The following PRCP variants were observed in gnomAD, a reference collection of about 807,000 sequenced individuals.
The protein encoded by PRCP is lysosomal Pro-X carboxypeptidase.
Under a neutral mutation model 54.2 loss-of-function variants are expected in PRCP, and 46 were observed. That is an observed-to-expected ratio of 0.85 (90% CI 0.67 to 1.09). The LOEUF is 1.09. Among genes scored for constraint, PRCP ranks in the 50% least tolerant of loss-of-function variants. The pLI, the probability that PRCP is intolerant of heterozygous loss-of-function variation, is 0.00. For synonymous variants in PRCP, 240 were observed against 212.2 expected, an observed-to-expected ratio of 1.13 and a Z score of -1.14; for missense variants, 613 against 596.8, an observed-to-expected ratio of 1.03 and a Z score of -0.28.
At chr11:82,854,847 G>C (rs943508074) in intron 2 of PRCP, among the ~76,000 whole-genome samples, 1 of 152,136 alleles carries the variant, frequency 6.6e-6, no homozygotes, top group Non-Finnish European at 1.5e-5. Flanking sequence ...TAACAGGATA[G>C]AGAATCCAAA....
At chr11:82,839,541 C>T in intron 6 of PRCP, 116 bp from the exon 7 acceptor site, 1 of 1,115,460 alleles carries the variant, frequency 9.0e-7, no homozygotes, top group Non-Finnish European at 1.3e-6. Flanking sequence ...TCTTAAGCTA[C>T]TAACTGCAGT....
intron 1 of PRCP, among the ~76,000 whole-genome samples, chr11:82,873,535 A>C (rs981752650): frequency 3.3e-5 from 5 of 152,218 alleles, no homozygotes; most frequent in African/African-American, 1.2e-4. Flanking sequence ...GAAGGTAATA[A>C]AACTAATTGT....
rs571439380 is a variant in PRCP, at chr11:82,891,206, A to G, written c.168+9029T>C. ...CTCCTACCTTCTAACTGCTCAGGCC[A>G]AAAACCTTGGAGTCATCTTCAATTC... On this transcript the variant is annotated intron_variant, in intron 1 of 8. Coordinates refer to ENST00000313010, the MANE Select transcript of PRCP (RefSeq NM_005040.4). Among the ~76,000 whole-genome samples, 6 of 152,142 alleles carry G rather than the reference A, an allele frequency of 3.9e-5. No individual in the cohort carries two copies. The South Asian group carries it at 1.2e-3, about 31-fold the overall frequency.
chr11:82,879,041 G>A (rs1411155435), intron 1 of PRCP, among the ~76,000 whole-genome samples: 2 of 152,150 alleles, frequency 1.3e-5, no homozygotes, highest in Non-Finnish European at 2.9e-5. Flanking sequence ...GAGTATCTTT[G>A]TGGTGTTCTC....
At chr11:82,895,626 T>C (rs1404433898) in intron 1 of PRCP, among the ~76,000 whole-genome samples, 2 of 152,186 alleles carry the variant, frequency 1.3e-5, no homozygotes, top group South Asian at 4.1e-4. Context: ...ATAAATCAGT[T>C]CTGAATTCAC....
At chr11:82,864,126 C>T (rs1037948720) in intron 1 of PRCP, among the ~76,000 whole-genome samples, 1 of 152,204 alleles carries the variant, frequency 6.6e-6, no homozygotes, top group Admixed American at 6.5e-5. Context: ...CACACCAATC[C>T]TAAGCACGGA....
intron 8 of PRCP, chr11:82,836,931 T>C (rs1282981676): frequency 8.0e-6 from 3 of 373,534 alleles, no homozygotes; most frequent in Non-Finnish European, 1.1e-5. Context: ...AAGATTCCCA[T>C]AGAAACAGAA....
At chr11:82,834,655 A>G (rs977270637) in intron 8 of PRCP, among the ~76,000 whole-genome samples, 1 of 152,222 alleles carries the variant, frequency 6.6e-6, no homozygotes, top group Non-Finnish European at 1.5e-5. Flanking sequence ...AGGAACAGAA[A>G]ACCAAACACT....
At chr11:82,876,683 C>T (rs537949892) in intron 1 of PRCP, among the ~76,000 whole-genome samples, 3 of 152,284 alleles carry the variant, frequency 2.0e-5, no homozygotes, top group East Asian at 1.9e-4. Context: ...ATGTAAGAAG[C>T]GCCTTTCACC....
intron 1 of PRCP, among the ~76,000 whole-genome samples, chr11:82,880,451 T>C (rs950699371): frequency 6.6e-6 from 1 of 152,202 alleles, no homozygotes; most frequent in South Asian, 2.1e-4. Context: ...TGGCTTTCCT[T>C]GGCTAGGAAA....
intron 1 of PRCP, among the ~76,000 whole-genome samples, chr11:82,866,386 T>C (rs1859335933): frequency 6.6e-6 from 1 of 152,204 alleles, no homozygotes; most frequent in South Asian, 2.1e-4. Flanking sequence ...CTCAGAGATA[T>C]GCTTCAAAGG....
chr11:82,862,516 C>T (rs1226070032), intron 1 of PRCP, among the ~76,000 whole-genome samples: 1 of 152,144 alleles, frequency 6.6e-6, no homozygotes, highest in African/African-American at 2.4e-5. Flanking sequence ...TAGTTTTGAC[C>T]TAAACCAGAC....
chr11:82,844,801 C>G (rs1357711348), intron 6 of PRCP, among the ~76,000 whole-genome samples: 1 of 151,096 alleles, frequency 6.6e-6, no homozygotes. Flanking sequence ...TGCAGACTCT[C>G]TGGAGCTTCC....
At chr11:82,835,914 C>A in intron 8 of PRCP, 1 of 397,768 alleles carries the variant, frequency 2.5e-6, no homozygotes, top group South Asian at 1.9e-5. Flanking sequence ...CAGCTCTAGC[C>A]GGGCGTGGTG....
chr11:82,827,490 T>A (rs1057353322), intron 8 of PRCP: 1 of 152,174 alleles, frequency 6.6e-6, no homozygotes, highest in Non-Finnish European at 1.5e-5. Context: ...GATCTCCAGT[T>A]TTCCCAGCAT....
At chr11:82,857,400 C>T (rs1405240560) in intron 2 of PRCP, among the ~76,000 whole-genome samples, 1 of 152,228 alleles carries the variant, frequency 6.6e-6, no homozygotes, top group Non-Finnish European at 1.5e-5. Context: ...AACATTCACA[C>T]AGCTAGTAAG....
intron 6 of PRCP, among the ~76,000 whole-genome samples, chr11:82,844,041 C>T (rs1858741764): frequency 6.7e-6 from 1 of 149,682 alleles, no homozygotes; most frequent in Admixed American, 6.7e-5. Flanking sequence ...CAGACGTCAA[C>T]CACAAAGTCC....
chr11:82,865,270 T>C (rs1369966593), intron 1 of PRCP, among the ~76,000 whole-genome samples: 1 of 152,192 alleles, frequency 6.6e-6, no homozygotes, highest in Non-Finnish European at 1.5e-5. Context: ...AACACGCTCA[T>C]GCAGATAAAG....
At position 82,824,779 on chromosome 11, in the gene PRCP, A is replaced by C; in HGVS notation, c.*127T>G. 2.1e-6 allele frequency: 2 copies of C among 936,514 alleles called. No homozygotes were observed. Among genetic ancestry groups the C allele is most frequent in the Non-Finnish European group, 3.2e-6 (2 of 626,242 alleles). 58.0% of individuals were successfully genotyped at this position (936,514 alleles called of 1,614,324 possible). A position where few individuals can be genotyped will look rare whatever the true frequency, so the allele number is the denominator to read the frequency against. On this transcript the variant is annotated 3_prime_UTR_variant, in exon 9 of 9. Transcript: ENST00000313010. ...TCTTACCGTCATCACCCTCTATTCT[A>C]TCTCAACTTTGGCCCCATCAAATCT...
Sources: allele counts gnomAD v4.1 joint callset (sites outside exome capture counted in the v4.1 genomes callset), GRCh38; gene constraint gnomAD v4.1.1; transcripts MANE v1.5; gene names NCBI Gene and HGNC (gene_info 2026-07-23, HGNC 2026-07-21).